Variants in XRN2 observed in about 807,000 individuals in gnomAD.
The protein encoded by XRN2 is 5'-3' exoribonuclease 2, also known as DHM1-like protein.
A neutral mutation model predicts 138.5 loss-of-function variants in XRN2; 44 were observed. The ratio of observed to expected loss-of-function variants is 0.32; its 90% confidence interval spans 0.25 to 0.41. XRN2 has a LOEUF of 0.41. Ranked by LOEUF, XRN2 falls within the 10% of genes least tolerant of loss-of-function variation. The pLI is 1.00. For synonymous variants in XRN2, 354 were observed against 369.4 expected (o/e 0.96, Z 0.48); for missense variants, 937 against 1,169.3 (o/e 0.80, Z 2.90).
intron 28 of XRN2, 126 bp from the exon 29 acceptor site, chr20:21,386,742 G>A: frequency 1.6e-6 from 2 of 1,216,188 alleles, no homozygotes; most frequent in Non-Finnish European, 2.3e-6. Context: ...CTGATACTCT[G>A]TATCCCATAT....
chr20:21,303,807 C>CG, intron 1 of XRN2: 1 of 1,083,744 alleles, frequency 9.2e-7, no homozygotes, highest in Non-Finnish European at 1.1e-6. Context: ...TTTTGGGTCT[C>CG]GGAAGAGGTT....
chr20:21,382,119 G>T, intron 28 of XRN2, 62 bp downstream of exon 28: 1 of 1,465,172 alleles, frequency 6.8e-7, no homozygotes, highest in Admixed American at 2.0e-5. Context: ...GGGGTTTATG[G>T]TTTTTATGGA....
At position 21,328,437 on chromosome 20, in the gene XRN2, C is replaced by T. The variant is rs2038158239; in HGVS notation, c.316-122C>T. 9 of 934,068 alleles carry T rather than the reference C, an allele frequency of 9.6e-6. No homozygotes were observed. In the South Asian group the frequency reaches 1.0e-4, roughly 11 times the overall value. The allele number at this position is 934,068 out of a possible 1,614,324, so 57.9% of individuals were successfully genotyped here. On this transcript the variant is annotated intron_variant, in intron 3 of 29. Transcript: ENST00000377191. ...TCTGTCATGAAAGGATTATTAGACA[C>T]ATTACTTACCTTTCTTCCATTTTAG... is the stretch of plus-strand genomic sequence containing the variant.
intron 9 of XRN2, 88 bp downstream of exon 9, chr20:21,332,528 T>G: frequency 7.7e-7 from 1 of 1,299,520 alleles, no homozygotes; most frequent in Non-Finnish European, 1.0e-6. Flanking sequence ...ATTTCAACCA[T>G]TTTAAAGTAT....
chr20:21,318,133 T>A (rs756985538), intron 1 of XRN2, among the ~76,000 whole-genome samples: 25 of 152,250 alleles, frequency 1.6e-4, no homozygotes, highest in Admixed American at 3.3e-4. Flanking sequence ...TATGTCTTTC[T>A]TGAATCATTT....
chr20:21,332,345 T>C lies in XRN2; in HGVS notation c.763T>C (p.Phe255Leu), dbSNP rs2038223791. The C allele has an allele frequency of 1.9e-6, 3 of 1,613,790 alleles. No individual in the cohort carries two copies. Among genetic ancestry groups the C allele is most frequent in the South Asian group, 1.1e-5 (1 of 91,066 alleles). ...EPNFTIIREE[F>L]KPNKPKPCGL... ...GAACTTTACCATTATTAGAGAAGAA[T>C]TCAAACCAAACAAGCCCAAACCATG... is the stretch of plus-strand genomic sequence containing the variant. The change falls in exon 9 of 30, where the codon TTC (phenylalanine) becomes CTC (leucine). Residue 255 changes from phenylalanine (F) to leucine (L), a missense_variant. Phe to Leu is a conservative substitution (Grantham distance 22). Transcript: ENST00000377191.
intron 27 of XRN2, among the ~76,000 whole-genome samples, chr20:21,372,008 T>C (rs897979560): frequency 6.6e-6 from 1 of 152,250 alleles, no homozygotes. Context: ...AGATTTAATG[T>C]GTACTTACAA....
intron 27 of XRN2, among the ~76,000 whole-genome samples, chr20:21,371,018 A>AT (rs1007252229): frequency 6.6e-6 from 1 of 151,932 alleles, no homozygotes; most frequent in Non-Finnish European, 1.5e-5. Context: ...TCATTAAAAC[A>AT]TTTTTTTCTA....
chr20:21,339,220 C>T lies in XRN2; in HGVS notation c.1278+132C>T, dbSNP rs6035847. The T allele has an allele frequency of 3.6e-6, 3 of 835,484 alleles. No homozygotes were observed. In the African/African-American group the frequency reaches 5.2e-5, roughly 15 times the overall value. 51.8% of individuals were successfully genotyped at this position (835,484 alleles called of 1,614,324 possible). On this transcript the variant is annotated intron_variant, in intron 14 of 29. Coordinates refer to ENST00000377191, the MANE Select transcript of XRN2 (RefSeq NM_012255.5). Reference sequence around the variant, plus strand: ...GGGACGTAAGTGTCCACCCAGTTACCTTTTTACCTGTAGAAAGAACACTGG... The same window carrying T: ...GGGACGTAAGTGTCCACCCAGTTACTTTTTTACCTGTAGAAAGAACACTGG...
At chr20:21,361,560 C>T (rs1330329735) in intron 24 of XRN2, among the ~76,000 whole-genome samples, 1 of 152,212 alleles carries the variant, frequency 6.6e-6, no homozygotes, top group African/African-American at 2.4e-5. Context: ...CATTTCCTTC[C>T]TCTGCTTCTC....
At chr20:21,339,615 A>G (rs910951989) in intron 14 of XRN2, among the ~76,000 whole-genome samples, 2 of 152,250 alleles carry the variant, frequency 1.3e-5, no homozygotes, top group Non-Finnish European at 2.9e-5. Flanking sequence ...ATCCCTGCTG[A>G]TTAAGAGTGT....
intron 23 of XRN2, among the ~76,000 whole-genome samples, chr20:21,356,874 C>G (rs1292441284): frequency 6.6e-6 from 1 of 152,182 alleles, no homozygotes; most frequent in Non-Finnish European, 1.5e-5. Context: ...CTGGGAGTCC[C>G]TTTCAGGATA....
intron 1 of XRN2, among the ~76,000 whole-genome samples, chr20:21,317,625 C>T (rs1010968558): frequency 6.6e-6 from 1 of 152,112 alleles, no homozygotes; most frequent in East Asian, 1.9e-4. Context: ...ATAATCTATG[C>T]ACATCTTCTC....
intron 27 of XRN2, 58 bp downstream of exon 27, chr20:21,368,648 G>C: frequency 1.9e-6 from 3 of 1,595,384 alleles, no homozygotes; most frequent in Non-Finnish European, 2.6e-6. Flanking sequence ...AGCAAATGTT[G>C]GTTTCTAATC....
At chr20:21,382,291 C>G (rs1241230445) in intron 28 of XRN2, among the ~76,000 whole-genome samples, 1 of 152,122 alleles carries the variant, frequency 6.6e-6, no homozygotes, top group African/African-American at 2.4e-5. Flanking sequence ...TTTATTGATG[C>G]TTTTGAGATG....
chr20:21,326,199 C>A, intron 1 of XRN2, 80 bp from the exon 2 acceptor site: 1 of 1,405,784 alleles, frequency 7.1e-7, no homozygotes, highest in African/African-American at 1.4e-5. Flanking sequence ...AGAAATGAAA[C>A]ACAAGTTCAT....
At chr20:21,336,158 A>G (rs1335888622) in intron 13 of XRN2, among the ~76,000 whole-genome samples, 2 of 152,174 alleles carry the variant, frequency 1.3e-5, no homozygotes, top group Non-Finnish European at 2.9e-5. Context: ...TAGAAAAGGA[A>G]TACATTAATA....
chr20:21,330,198 G>A (rs533455413), intron 4 of XRN2, among the ~76,000 whole-genome samples: 3 of 152,026 alleles, frequency 2.0e-5, no homozygotes, highest in Non-Finnish European at 4.4e-5. Flanking sequence ...CAGGAGAATC[G>A]CTTGAACCCC....
At chr20:21,304,348 CTTT>C (rs111498218) in intron 1 of XRN2, among the ~76,000 whole-genome samples, 6 of 136,988 alleles carry the variant, frequency 4.4e-5, no homozygotes, top group Non-Finnish European at 4.8e-5. Flanking sequence ...CTTATTTCTG[CTTT>C]TTTTTTTTTT....
Sources: allele counts gnomAD v4.1 joint callset (sites outside exome capture counted in the v4.1 genomes callset), GRCh38; gene constraint gnomAD v4.1.1; transcripts MANE v1.5; gene names NCBI Gene and HGNC (gene_info 2026-07-23, HGNC 2026-07-21).